FER1L6: variants seen among roughly 807,000 people sequenced by gnomAD.
The protein encoded by FER1L6 is fer-1-like protein 6.
In FER1L6, 177 loss-of-function variants were observed where a neutral mutation model predicts 219.2. That is an observed-to-expected ratio of 0.81 (90% CI 0.71 to 0.91). The LOEUF (loss-of-function observed/expected upper bound fraction) is 0.91, where lower values mean the gene tolerates loss of function less well. FER1L6 is among the 40% of genes least tolerant of loss of function. The pLI is 0.00. For missense variants in FER1L6, 2,153 were observed against 2,259.9 expected (o/e 0.95, Z 0.96); for synonymous variants, 768 against 824.3 (o/e 0.93, Z 1.17).
At chr8:123,973,112 C>A (rs894127873) in intron 6 of FER1L6, among the ~76,000 whole-genome samples, 18 of 152,030 alleles carry the variant, frequency 1.2e-4, no homozygotes, top group African/African-American at 4.1e-4. Flanking sequence ...GCGGAGGTGA[C>A]TTATGTTCTA....
chr8:123,890,566 TAAGCTACCTTTGTC>T (rs1461297321), intron 1 of FER1L6, among the ~76,000 whole-genome samples: 2 of 151,126 alleles, frequency 1.3e-5, no homozygotes, highest in East Asian at 3.9e-4. Flanking sequence ...TTAGAATTCC[TAAGCTACCTTTGTC>T]AAGCCTGCAA....
At chr8:124,097,401 G>A in intron 36 of FER1L6, 42 bp downstream of exon 36, 1 of 1,354,194 alleles carries the variant, frequency 7.4e-7, no homozygotes, top group Non-Finnish European at 1.1e-6. Context: ...AGAGACCAGG[G>A]TAGCAGATGA....
rs1362934333 is a variant in FER1L6 at position 123,974,680 on chromosome 8, A to AAAAAAAG, written c.527-468_527-467insAAAAGAA. Among the ~76,000 whole-genome samples, 371 of 148,468 alleles carry AAAAAAAG rather than the reference A, an allele frequency of 2.5e-3. 3 individuals are homozygous for AAAAAAAG. Among genetic ancestry groups the AAAAAAAG allele is most frequent in the Middle Eastern group, 6.9e-3 (2 of 290 alleles). On this transcript the variant is annotated intron_variant, in intron 7 of 40. Coordinates refer to ENST00000522917, the MANE Select transcript of FER1L6 (RefSeq NM_001039112.2). ...GTCTCAAAAAAAAAAAAAAAAAAAA[A>AAAAAAAG]AAGAAATGTGAAGCCAGTATTGCCA...
At position 124,003,275 on chromosome 8, in the gene FER1L6, T is replaced by G; in HGVS notation, c.1628T>G (p.Val543Gly). The change falls in exon 13 of 41, where the codon GTG (valine) becomes GGG (glycine). Residue 543 changes from valine (V) to glycine (G), a missense_variant. Transcript: ENST00000522917. ...LPLLHEGQGD[V>G]AHDVPIPMAS... ...CTGCTTCACGAAGGGCAAGGGGATG[T>G]GGCCCATGATGTTCCCATTCCTATG... is the stretch of plus-strand genomic sequence containing the variant. 1 of 1,613,994 alleles carries G rather than the reference T, an allele frequency of 6.2e-7. No individual in the cohort carries two copies. The highest frequency in any genetic ancestry group is 8.5e-7 in the Non-Finnish European group (1 of 1,179,994).
chr8:124,065,723 G>A (rs1302630747), intron 26 of FER1L6, among the ~76,000 whole-genome samples: 1 of 152,198 alleles, frequency 6.6e-6, no homozygotes, highest in Non-Finnish European at 1.5e-5. Context: ...GCACTCGATA[G>A]AGTGCCTGGG....
chr8:124,042,048 A>C (rs1201152426), intron 20 of FER1L6, among the ~76,000 whole-genome samples: 1 of 152,204 alleles, frequency 6.6e-6, no homozygotes, highest in Non-Finnish European at 1.5e-5. Flanking sequence ...TCCTACAGCA[A>C]GGGAGTTCTC....
intron 1 of FER1L6, among the ~76,000 whole-genome samples, chr8:123,865,556 A>G (rs1485886709): frequency 6.6e-6 from 1 of 151,454 alleles, no homozygotes; most frequent in Admixed American, 6.6e-5. Context: ...AAGCCTGGGC[A>G]ATGGCGGGCG....
intron 1 of FER1L6, among the ~76,000 whole-genome samples, chr8:123,949,352 CAA>C: frequency 6.8e-6 from 1 of 146,956 alleles, no homozygotes; most frequent in Admixed American, 6.7e-5. Flanking sequence ...TCCACAGCAT[CAA>C]AAAAAAAATG....
intron 18 of FER1L6, among the ~76,000 whole-genome samples, chr8:124,032,805 G>A (rs975702035): frequency 6.6e-6 from 1 of 152,222 alleles, no homozygotes; most frequent in African/African-American, 2.4e-5. Flanking sequence ...GCTTTGCTTA[G>A]GGCAATGTAG....
intron 13 of FER1L6, among the ~76,000 whole-genome samples, chr8:124,010,192 G>A (rs1817857425): frequency 6.8e-6 from 1 of 147,482 alleles, no homozygotes. Context: ...TCGGAAGCTG[G>A]CGAGTCAGGG....
At position 123,894,308 on chromosome 8, in the gene FER1L6, C is replaced by T. The variant is rs192102207; in HGVS notation, c.-8+42123C>T. 5.9e-3 allele frequency among the ~76,000 whole-genome samples: 904 copies of T among 152,252 alleles called. 3 individuals carry two copies. Among genetic ancestry groups the T allele is most frequent in the South Asian group, 0.018 (86 of 4,826 alleles). On this transcript the variant is annotated intron_variant, in intron 1 of 40. Coordinates refer to ENST00000522917, the MANE Select transcript of FER1L6 (RefSeq NM_001039112.2). ...TTACATTTCTTGCCTACTATATAAA[C>T]CCTTAATTTTAGTTGGTCAGGAAGA...
At chr8:123,956,240 C>T (rs1443675515) in intron 2 of FER1L6, among the ~76,000 whole-genome samples, 166 bp downstream of exon 2, 1 of 152,210 alleles carries the variant, frequency 6.6e-6, no homozygotes, top group African/African-American at 2.4e-5. Flanking sequence ...CCCAAGACAA[C>T]CCCCAAGGCC....
At chr8:123,950,199 T>C (rs1362821838) in intron 1 of FER1L6, among the ~76,000 whole-genome samples, 26 of 152,202 alleles carry the variant, frequency 1.7e-4, no homozygotes, top group Non-Finnish European at 1.5e-5. Flanking sequence ...CCAATATTTG[T>C]TTCTCTATTT....
intron 18 of FER1L6, among the ~76,000 whole-genome samples, chr8:124,033,342 T>C (rs1819053650): frequency 1.3e-5 from 2 of 152,198 alleles, no homozygotes; most frequent in Non-Finnish European, 2.9e-5. Context: ...AGGCTTTCAA[T>C]ACGTATTAAT....
intron 3 of FER1L6, among the ~76,000 whole-genome samples, chr8:123,965,037 A>G (rs1283565235): frequency 6.6e-6 from 1 of 152,254 alleles, no homozygotes; most frequent in African/African-American, 2.4e-5. Context: ...CAAATTTGCC[A>G]TCTTATTGAT....
intron 1 of FER1L6, among the ~76,000 whole-genome samples, chr8:123,913,037 C>T (rs1473702043): frequency 6.6e-6 from 1 of 152,096 alleles, no homozygotes; most frequent in African/African-American, 2.4e-5. Context: ...TCTTCTGTGT[C>T]TTGATTACTA....
At chr8:123,864,984 C>G (rs554065964) in intron 1 of FER1L6, among the ~76,000 whole-genome samples, 1 of 151,272 alleles carries the variant, frequency 6.6e-6, no homozygotes, top group Admixed American at 6.6e-5. Context: ...CTCAGCTCCT[C>G]AAAATCATTC....
intron 1 of FER1L6, among the ~76,000 whole-genome samples, chr8:123,932,719 T>C (rs1336621804): frequency 6.6e-6 from 1 of 152,214 alleles, no homozygotes; most frequent in South Asian, 2.1e-4. Context: ...TTCTCTGGGC[T>C]TCTTTTCCTT....
At chr8:124,106,524 CCT>C (rs1281652568) in intron 39 of FER1L6, among the ~76,000 whole-genome samples, 2 of 152,044 alleles carry the variant, frequency 1.3e-5, no homozygotes, top group African/African-American at 4.8e-5. Flanking sequence ...TCACTGCTCC[CCT>C]CTCAACCATC....
Sources: allele counts gnomAD v4.1 joint callset (sites outside exome capture counted in the v4.1 genomes callset), GRCh38; gene constraint gnomAD v4.1.1; transcripts MANE v1.5; gene names NCBI Gene and HGNC (gene_info 2026-07-23, HGNC 2026-07-21).